Variants in WNK1 observed in about 807,000 individuals in gnomAD.
WNK1 encodes serine/threonine-protein kinase WNK1.
A neutral mutation model predicts 222.8 loss-of-function variants in WNK1; 38 were observed. The observed-to-expected ratio is 0.17, with a 90% CI of 0.13 to 0.22. WNK1 has a LOEUF of 0.22. Ranked by LOEUF, WNK1 falls within the 10% of genes least tolerant of loss-of-function variation. The pLI is 1.00. For missense variants in WNK1, 2,348 were observed against 2,918.4 expected (o/e 0.80, Z 4.50); for synonymous variants, 1,090 against 1,092.9 (o/e 1.00, Z 0.05).
intron 2 of WNK1, among the ~76,000 whole-genome samples, chr12:818,791 C>T (rs1273457174): frequency 6.6e-6 from 1 of 152,204 alleles, no homozygotes; most frequent in Non-Finnish European, 1.5e-5. Flanking sequence ...CGTGATTGCA[C>T]GCATCAGTAC....
chr12:821,458 TC>T (rs1216440797), intron 2 of WNK1, among the ~76,000 whole-genome samples: 2 of 152,252 alleles, frequency 1.3e-5, no homozygotes, highest in Non-Finnish European at 2.9e-5. Context: ...CCTAGACTTT[TC>T]TTTGGAGATT....
chr12:790,153 C>T (rs1355886233), intron 1 of WNK1, among the ~76,000 whole-genome samples: 1 of 152,218 alleles, frequency 6.6e-6, no homozygotes, highest in Non-Finnish European at 1.5e-5. Flanking sequence ...TTAACTCACT[C>T]TTGCGAGATG....
intron 4 of WNK1, among the ~76,000 whole-genome samples, chr12:854,597 C>T (rs2154058545): frequency 6.6e-6 from 1 of 152,172 alleles, no homozygotes; most frequent in South Asian, 2.1e-4. Context: ...ATCCACCTGC[C>T]TCGGCCTCCC....
intron 1 of WNK1, among the ~76,000 whole-genome samples, chr12:801,038 A>C (rs1251762708): frequency 1.3e-5 from 2 of 152,140 alleles, no homozygotes; most frequent in African/African-American, 4.8e-5. Context: ...ACTATATTTT[A>C]GGCTGTTACT....
chr12:840,146 G>A (rs774570879), intron 4 of WNK1, among the ~76,000 whole-genome samples: 15 of 151,916 alleles, frequency 9.9e-5, no homozygotes, highest in Non-Finnish European at 1.6e-4. Flanking sequence ...TTAATTTTTT[G>A]AGAGAAAGTC....
intron 1 of WNK1, among the ~76,000 whole-genome samples, chr12:807,318 A>G (rs990291573): frequency 2.8e-5 from 4 of 140,930 alleles, no homozygotes; most frequent in African/African-American, 7.9e-5. Context: ...TTTTCCGGAG[A>G]TTAATGAGTC....
chr12:868,096 C>T lies in WNK1; in HGVS notation c.2140-3169C>T, dbSNP rs1485125173. 4.3e-6 allele frequency: 7 copies of T among 1,613,900 alleles called. No individual in the cohort carries two copies. The African/African-American group carries it at 6.7e-5, about 15-fold the overall frequency. On this transcript the variant is annotated intron_variant, in intron 8 of 27. Coordinates refer to ENST00000315939, the MANE Select transcript of WNK1 (RefSeq NM_018979.4). ...AAAGTCTTCTTCCACCTGGTGGCAG[C>T]CCAACTAACTGGACACCAGAGGCCG...
At chr12:758,039 A>T (rs1398944125) in intron 1 of WNK1, among the ~76,000 whole-genome samples, 3 of 31,480 alleles carry the variant, frequency 9.5e-5, no homozygotes, top group African/African-American at 1.5e-4. Flanking sequence ...TGTCTCTAAA[A>T]AAAAAAAAAA....
intron 2 of WNK1, among the ~76,000 whole-genome samples, chr12:816,619 G>T (rs1423562299): frequency 6.6e-6 from 1 of 151,962 alleles, no homozygotes; most frequent in East Asian, 1.9e-4. Flanking sequence ...ATATGTAGAT[G>T]GCGCTATAAC....
chr12:880,398 A>T (rs182684974), intron 11 of WNK1, among the ~76,000 whole-genome samples: 1 of 152,306 alleles, frequency 6.6e-6, no homozygotes, highest in Non-Finnish European at 1.5e-5. Flanking sequence ...ATTTCATGAT[A>T]TGACTGTTAT....
At chr12:871,688 C>T (rs760796629) in intron 9 of WNK1, among the ~76,000 whole-genome samples, 1 of 152,012 alleles carries the variant, frequency 6.6e-6, no homozygotes, top group Non-Finnish European at 1.5e-5. Flanking sequence ...CTGCAACCAC[C>T]GCCTCCCAGG....
At chr12:765,419 A>G (rs1941566044) in intron 1 of WNK1, among the ~76,000 whole-genome samples, 1 of 147,300 alleles carries the variant, frequency 6.8e-6, no homozygotes, top group Non-Finnish European at 1.5e-5. Flanking sequence ...GGTGGTGTGC[A>G]TCTGTAACCC....
At chr12:824,009 C>A (rs557022925) in intron 2 of WNK1, among the ~76,000 whole-genome samples, 2 of 148,818 alleles carry the variant, frequency 1.3e-5, no homozygotes, top group Non-Finnish European at 3.0e-5. Context: ...CGGGTTCAAG[C>A]GATTCTCCAA....
chr12:856,420 C>T (rs1447922248), intron 4 of WNK1, among the ~76,000 whole-genome samples: 1 of 150,462 alleles, frequency 6.6e-6, no homozygotes, highest in Non-Finnish European at 1.5e-5. Flanking sequence ...CACCACTGCA[C>T]TCCATACTGG....
At chr12:906,455 C>T (rs564617062) in intron 26 of WNK1, 26 of 985,150 alleles carry the variant, frequency 2.6e-5, no homozygotes, top group Admixed American at 6.2e-5. Context: ...ATTTTCTTGT[C>T]GCTTCTACAT....
rs374149270 is a variant in WNK1, at chr12:825,837, A to G, written c.933-1205A>G. Among the ~76,000 whole-genome samples the G allele has an allele frequency of 1.2e-4, 19 of 152,352 alleles. No individual in the cohort carries two copies. In the East Asian group the frequency reaches 2.7e-3, roughly 22 times the overall value. ...CCAATCATGTGTGTATTTTAAAGAT[A>G]CTGAAAGGAAAATGTAGTCTTTTCT... On this transcript the variant is annotated intron_variant, in intron 2 of 27. Transcript: ENST00000315939.
chr12:849,238 T>A (rs1179731036), intron 4 of WNK1, among the ~76,000 whole-genome samples: 6 of 152,208 alleles, frequency 3.9e-5, no homozygotes, highest in Non-Finnish European at 4.4e-5. Flanking sequence ...GATGTATTAC[T>A]TCCAAACAGC....
intron 1 of WNK1, among the ~76,000 whole-genome samples, chr12:779,817 G>GAAC (rs1943517075): frequency 6.6e-6 from 1 of 152,074 alleles, no homozygotes; most frequent in Non-Finnish European, 1.5e-5. Flanking sequence ...GAGAAATAAA[G>GAAC]AACAAAGCAT....
At chr12:905,785 G>A (rs867552099) in intron 26 of WNK1, among the ~76,000 whole-genome samples, 19 of 152,198 alleles carry the variant, frequency 1.2e-4, no homozygotes, top group South Asian at 4.1e-4. Context: ...CTCCCCTCGC[G>A]TTTCCTGTAC....
Sources: allele counts gnomAD v4.1 joint callset (sites outside exome capture counted in the v4.1 genomes callset), GRCh38; gene constraint gnomAD v4.1.1; transcripts MANE v1.5; gene names NCBI Gene and HGNC (gene_info 2026-07-23, HGNC 2026-07-21).